Variants in DCLK2 observed in about 807,000 individuals in gnomAD.
The protein encoded by DCLK2 is serine/threonine-protein kinase DCLK2.
DCLK2 carries 31 observed loss-of-function variants against 78.4 expected under a neutral mutation model. That is an observed-to-expected ratio of 0.40 (90% CI 0.30 to 0.53). The LOEUF (loss-of-function observed/expected upper bound fraction) is 0.53. DCLK2 is among the 20% of genes least tolerant of loss of function. The probability of loss-of-function intolerance (pLI) is 0.61; values close to 1 mark genes in which losing one functional copy is unlikely to be tolerated. For missense variants in DCLK2, 872 were observed against 973.7 expected, an observed-to-expected ratio of 0.90 and a Z score of 1.39; for synonymous variants, 407 against 374.9, an observed-to-expected ratio of 1.09 and a Z score of -0.99.
At position 150,239,600 on chromosome 4, in the gene DCLK2, TC is replaced by T; in HGVS notation, c.1567-141del. ...TGGGCAACAAAGCGAGACCGTGTCT[TC>T]AAAAAAAAAAATCACAAGGAGAGAT... On this transcript the variant is annotated intron_variant, in intron 10 of 15. Coordinates refer to ENST00000296550, the MANE Select transcript of DCLK2 (RefSeq NM_001040260.4). 6.4e-5 allele frequency: 73 copies of T among 1,143,704 alleles called. No homozygotes were observed. The South Asian group carries it at 1.1e-3, about 17-fold the overall frequency. The allele number at this position is 1,143,704 out of a possible 1,614,324, so 70.8% of individuals were successfully genotyped here. A position where few individuals can be genotyped will look rare whatever the true frequency, so the allele number is the denominator to read the frequency against.
chr4:150,172,218 GC>G (rs1736585699), intron 2 of DCLK2, among the ~76,000 whole-genome samples: 1 of 152,118 alleles, frequency 6.6e-6, no homozygotes, highest in East Asian at 1.9e-4. Flanking sequence ...TGATGAAAGA[GC>G]CCCTCTCTTA....
chr4:150,157,836 CG>C (rs1013172792), intron 2 of DCLK2, among the ~76,000 whole-genome samples: 1 of 152,150 alleles, frequency 6.6e-6, no homozygotes, highest in African/African-American at 2.4e-5. Flanking sequence ...GCCATGTTTC[CG>C]GACTGGTCTT....
chr4:150,230,546 C>T (rs1041735136), intron 8 of DCLK2, among the ~76,000 whole-genome samples: 1 of 152,218 alleles, frequency 6.6e-6, no homozygotes, highest in Non-Finnish European at 1.5e-5. Flanking sequence ...CAACTGTTGT[C>T]TTTGCTTCAC....
At chr4:150,098,712 T>A (rs994695351) in intron 1 of DCLK2, among the ~76,000 whole-genome samples, 5 of 150,834 alleles carry the variant, frequency 3.3e-5, no homozygotes, top group African/African-American at 4.9e-5. Flanking sequence ...TTTTTTTTTT[T>A]TTGGCAGAGT....
intron 1 of DCLK2, among the ~76,000 whole-genome samples, chr4:150,090,935 T>C (rs978231074): frequency 6.6e-6 from 1 of 152,126 alleles, no homozygotes; most frequent in African/African-American, 2.4e-5. Context: ...ATTGAGCAAA[T>C]ATGTAAGTAA....
intron 5 of DCLK2, among the ~76,000 whole-genome samples, chr4:150,207,227 G>T (rs190229173): frequency 3.3e-5 from 5 of 152,292 alleles, no homozygotes; most frequent in Admixed American, 6.5e-5. Context: ...GACAGCATGT[G>T]CAGGAGCTGA....
At chr4:150,196,222 G>A (rs1278691247) in intron 3 of DCLK2, among the ~76,000 whole-genome samples, 1 of 152,098 alleles carries the variant, frequency 6.6e-6, no homozygotes, top group Non-Finnish European at 1.5e-5. Flanking sequence ...TCGATTAATC[G>A]ATACAGGATT....
intron 12 of DCLK2, among the ~76,000 whole-genome samples, chr4:150,245,182 G>A (rs374220686): frequency 1.1e-4 from 17 of 152,156 alleles, no homozygotes; most frequent in African/African-American, 3.9e-4. Flanking sequence ...AAATAACAGT[G>A]AAAAGGAAAG....
intron 2 of DCLK2, among the ~76,000 whole-genome samples, chr4:150,191,477 G>A (rs938951377): frequency 6.6e-6 from 1 of 152,084 alleles, no homozygotes; most frequent in Non-Finnish European, 1.5e-5. Flanking sequence ...TGAAAACCAT[G>A]TAAGAAGTAA....
intron 1 of DCLK2, among the ~76,000 whole-genome samples, chr4:150,080,325 TC>T (rs1274815635): frequency 6.6e-6 from 1 of 152,198 alleles, no homozygotes; most frequent in African/African-American, 2.4e-5. Context: ...CATGCCTCGG[TC>T]AAAGAGACTG....
intron 2 of DCLK2, among the ~76,000 whole-genome samples, chr4:150,137,103 T>C (rs1025759764): frequency 1.3e-5 from 2 of 150,734 alleles, no homozygotes; most frequent in African/African-American, 4.9e-5. Flanking sequence ...CACCTCAGCT[T>C]CCCAACTCAT....
intron 10 of DCLK2, among the ~76,000 whole-genome samples, chr4:150,236,667 G>T (rs1287915127): frequency 1.3e-5 from 2 of 152,166 alleles, no homozygotes; most frequent in Non-Finnish European, 2.9e-5. Context: ...TCTATCTAGA[G>T]AGAGATATAT....
chr4:150,211,896 A>G (rs1740347882), intron 5 of DCLK2, among the ~76,000 whole-genome samples: 1 of 152,200 alleles, frequency 6.6e-6, no homozygotes, highest in Admixed American at 6.5e-5. Context: ...AATATTTGCT[A>G]TGCTTAAATC....
intron 2 of DCLK2, among the ~76,000 whole-genome samples, chr4:150,124,027 A>C (rs1467687119): frequency 6.6e-6 from 1 of 152,090 alleles, no homozygotes; most frequent in Non-Finnish European, 1.5e-5. Context: ...CTCAAAAAAA[A>C]AAAAATTAAC....
chr4:150,168,469 C>T (rs544949350), intron 2 of DCLK2, among the ~76,000 whole-genome samples: 1 of 152,196 alleles, frequency 6.6e-6, no homozygotes, highest in Non-Finnish European at 1.5e-5. Context: ...TTTTAATAAA[C>T]TTTCACTCCT....
At position 150,129,714 on chromosome 4, in the gene DCLK2, G is replaced by A. The variant is rs577364493; in HGVS notation, c.756+26902G>A. On this transcript the variant is annotated intron_variant, in intron 2 of 15. Transcript: ENST00000296550. ...CAGGCTGGCGACAGAGCAAGACTCCGTCTCAAAAATAATAATAATTTTAAT... is the reference window on the plus strand; with the variant it reads ...CAGGCTGGCGACAGAGCAAGACTCCATCTCAAAAATAATAATAATTTTAAT... Among the ~76,000 whole-genome samples the A allele has an allele frequency of 5.3e-5, 8 of 151,466 alleles. No individual in the cohort carries two copies. The South Asian group carries it at 1.0e-3, about 20-fold the overall frequency.
chr4:150,240,515 G>A, intron 12 of DCLK2, 39 bp downstream of exon 12: 1 of 1,512,784 alleles, frequency 6.6e-7, no homozygotes, highest in African/African-American at 1.4e-5. Context: ...AATTGCAAAT[G>A]TTCTCCCTTG....
chr4:150,145,761 T>C (rs1237824193), intron 2 of DCLK2, among the ~76,000 whole-genome samples: 1 of 152,212 alleles, frequency 6.6e-6, no homozygotes, highest in Admixed American at 6.5e-5. Context: ...CTGAGACCAC[T>C]CAACTACTAT....
intron 2 of DCLK2, among the ~76,000 whole-genome samples, chr4:150,173,716 A>G (rs1339595612): frequency 6.6e-6 from 1 of 152,152 alleles, no homozygotes; most frequent in African/African-American, 2.4e-5. Flanking sequence ...TTGAACTGGG[A>G]AACTGACAGC....
Sources: gnomAD v4.1 joint callset for allele counts (sites outside exome capture counted in the v4.1 genomes callset) on GRCh38, gnomAD v4.1.1 for gene constraint, MANE v1.5 for transcripts, NCBI Gene and HGNC (gene_info 2026-07-23, HGNC 2026-07-21) for gene names.